The following DPP6 variants were observed in gnomAD, a reference collection of about 807,000 sequenced individuals.
The protein encoded by DPP6 is dipeptidyl peptidase like 6.
Under a neutral mutation model 122.6 loss-of-function variants are expected in DPP6, and 69 were observed. The ratio of observed to expected loss-of-function variants is 0.56; its 90% CI spans 0.46 to 0.69. DPP6 has a LOEUF of 0.69. Ranked by LOEUF, DPP6 falls within the 30% of genes least tolerant of loss-of-function variation. The pLI is 0.00. For synonymous variants in DPP6, 418 were observed against 433.1 expected (o/e 0.97, Z 0.43); for missense variants, 928 against 1,116.9 (o/e 0.83, Z 2.41).
At chr7:154,366,972 T>C (rs1219386965) in intron 1 of DPP6, among the ~76,000 whole-genome samples, 1 of 152,166 alleles carries the variant, frequency 6.6e-6, no homozygotes. Context: ...TTTTGTTGTC[T>C]TTGAGATGCT....
At chr7:154,370,155 G>C (rs1279870413) in intron 1 of DPP6, among the ~76,000 whole-genome samples, 1 of 150,612 alleles carries the variant, frequency 6.6e-6, no homozygotes, top group Non-Finnish European at 1.5e-5. Flanking sequence ...GCTAATTTTT[G>C]TATTTTTTGT....
chr7:154,161,438 A>G (rs1240435815), intron 1 of DPP6, among the ~76,000 whole-genome samples: 1 of 152,118 alleles, frequency 6.6e-6, no homozygotes, highest in Non-Finnish European at 1.5e-5. Context: ...CAGAGGTTGC[A>G]GTGAGCCGAG....
chr7:154,045,201 TAA>T (rs11381417), intron 1 of DPP6, among the ~76,000 whole-genome samples: 2 of 141,378 alleles, frequency 1.4e-5, no homozygotes, highest in African/African-American at 5.1e-5. Flanking sequence ...TTAGAAAAGA[TAA>T]AAAAAAAAAA....
At chr7:154,023,074 T>C (rs1277399996) in intron 1 of DPP6, among the ~76,000 whole-genome samples, 1 of 152,008 alleles carries the variant, frequency 6.6e-6, no homozygotes, top group East Asian at 1.9e-4. Context: ...GGATCCATCA[T>C]GCTATATTTA....
At chr7:154,666,642 A>AC (rs1004055722) in intron 6 of DPP6, among the ~76,000 whole-genome samples, 21 of 151,102 alleles carry the variant, frequency 1.4e-4, no homozygotes, top group African/African-American at 4.1e-4. Context: ...TTTTATCAGC[A>AC]CCCCCCCAAT....
At chr7:154,122,851 G>T (rs150642785) in intron 1 of DPP6, among the ~76,000 whole-genome samples, 4,259 of 145,004 alleles carry the variant, frequency 0.029, no homozygotes, top group African/African-American at 0.11. Context: ...ATCACTGTGC[G>T]CCCTTTGACC....
rs1315724237 is a variant in DPP6, at chr7:154,264,988, G to GTTA, written c.244-181226_244-181225insTTA. ...TGATGATGGTGTTGATGATGATGGT[G>GTTA]ATAATGGTGATGATAATGATAGTGA... On this transcript the variant is annotated intron_variant, in intron 1 of 25. Transcript: ENST00000377770. 6.0e-5 allele frequency among the ~76,000 whole-genome samples: 9 copies of GTTA among 149,562 alleles called. 1 individual carries two copies. Among genetic ancestry groups the GTTA allele is most frequent in the South Asian group, 4.3e-4 (2 of 4,602 alleles).
chr7:154,681,192 G>C (rs7776910), intron 7 of DPP6, among the ~76,000 whole-genome samples: 24,602 of 152,146 alleles, frequency 0.16, 2,132 homozygotes, highest in East Asian at 0.34. Context: ...GGCCTGACCT[G>C]CTTGCCCACG....
Position 154,603,128 on chromosome 7 carries a change from A to G in DPP6, c.628-34693A>G, listed in dbSNP as rs1419536876. Among the ~76,000 whole-genome samples the G allele has an allele frequency of 1.7e-5, 2 of 118,234 alleles. 1 individual carries two copies. Among genetic ancestry groups the G allele is most frequent in the East Asian group, 7.3e-4 (2 of 2,722 alleles). 77.6% of individuals were successfully genotyped at this position (118,234 alleles called of 152,430 possible). ...ATTCTCATCTTTTTTTCCTTTGTGT[A>G]TATGTTTCTTTTCTCTCTTGACTCA... On this transcript the variant is annotated intron_variant, in intron 5 of 25. Transcript: ENST00000377770.
At chr7:154,620,192 T>C (rs921723450) in intron 5 of DPP6, among the ~76,000 whole-genome samples, 3 of 152,196 alleles carry the variant, frequency 2.0e-5, no homozygotes, top group Admixed American at 6.5e-5. Flanking sequence ...TCAGTATTTT[T>C]AACTCTGGGA....
intron 3 of DPP6, among the ~76,000 whole-genome samples, chr7:154,493,269 T>C (rs1331030709): frequency 6.6e-6 from 1 of 152,220 alleles, no homozygotes; most frequent in East Asian, 1.9e-4. Context: ...AAATGAATTA[T>C]ACGTTGGATA....
chr7:153,882,006 T>C, the DPP6 span, among the ~76,000 whole-genome samples: 2 of 152,240 alleles, frequency 1.3e-5, no homozygotes, highest in Non-Finnish European at 2.9e-5. Context: ...GGACAGGGAC[T>C]GTTTTCTATA....
intron 7 of DPP6, among the ~76,000 whole-genome samples, chr7:154,699,237 G>A (rs773176827): frequency 2.6e-5 from 4 of 152,252 alleles, no homozygotes; most frequent in South Asian, 2.1e-4. Context: ...GAGGCCACTC[G>A]TATTAGGACT....
At chr7:154,215,321 C>T (rs1314997067) in intron 1 of DPP6, among the ~76,000 whole-genome samples, 1 of 152,144 alleles carries the variant, frequency 6.6e-6, no homozygotes, top group East Asian at 1.9e-4. Flanking sequence ...ATACAGTCAC[C>T]TCCCACCAGG....
intron 1 of DPP6, among the ~76,000 whole-genome samples, chr7:154,275,253 A>G (rs1804053675): frequency 6.6e-6 from 1 of 152,198 alleles, no homozygotes; most frequent in Non-Finnish European, 1.5e-5. Flanking sequence ...CTGCTCCTAG[A>G]GTCCTCTGCA....
At chr7:154,733,651 TAGG>T (rs1253589059) in intron 8 of DPP6, among the ~76,000 whole-genome samples, 1 of 152,120 alleles carries the variant, frequency 6.6e-6, no homozygotes, top group Non-Finnish European at 1.5e-5. Context: ...GGAGAGTGTG[TAGG>T]AGTAGTAGTG....
At chr7:154,152,728 C>T (rs559889563) in intron 1 of DPP6, among the ~76,000 whole-genome samples, 3 of 152,290 alleles carry the variant, frequency 2.0e-5, no homozygotes, top group East Asian at 1.9e-4. Context: ...AACCCAGGAG[C>T]GTGGGACCTG....
chr7:154,871,332 GGA>G (rs1202991642), intron 18 of DPP6, among the ~76,000 whole-genome samples: 2 of 152,208 alleles, frequency 1.3e-5, no homozygotes, highest in Non-Finnish European at 2.9e-5. Context: ...ACAGATGCCA[GGA>G]GAGGATGTGG....
the DPP6 span, among the ~76,000 whole-genome samples, chr7:153,798,050 G>C: frequency 6.6e-6 from 1 of 152,044 alleles, no homozygotes; most frequent in Non-Finnish European, 1.5e-5. Context: ...CACCATGTTA[G>C]CCAGGATGGT....
Sources: allele counts gnomAD v4.1 joint callset (sites outside exome capture counted in the v4.1 genomes callset), GRCh38; gene constraint gnomAD v4.1.1; transcripts MANE v1.5; gene names NCBI Gene and HGNC (gene_info 2026-07-23, HGNC 2026-07-21).